MTO1: variants seen among roughly 807,000 people sequenced by gnomAD.
MTO1 encodes the protein mitochondrial tRNA translation optimization 1, also known as 5-taurinomethyluridine-[tRNA] synthase subunit MTO1, mitochondrial.
MTO1 carries 46 observed loss-of-function variants against 71.6 expected under a neutral mutation model. The observed-to-expected ratio is 0.64, with a 90% CI of 0.51 to 0.82. The LOEUF is 0.82. Ranked by LOEUF, MTO1 falls within the 40% of genes least tolerant of loss-of-function variation. The pLI, the probability that MTO1 is intolerant of heterozygous loss-of-function variation, is 0.00. For missense variants in MTO1, 773 were observed against 867.5 expected, an observed-to-expected ratio of 0.89 and a Z score of 1.37; for synonymous variants, 297 against 312.1, an observed-to-expected ratio of 0.95 and a Z score of 0.51.
Position 73,501,873 on chromosome 6 carries a change from G to A in MTO1, c.*1138G>A, listed in dbSNP as rs1289589544. 6.6e-6 allele frequency: 1 copy of A among 152,180 alleles called. No individual in the cohort carries two copies. The highest frequency in any genetic ancestry group is 1.5e-5 in the Non-Finnish European group (1 of 68,044). The allele number at this position is 152,180 out of a possible 1,614,324, so 9.4% of individuals were successfully genotyped here. On this transcript the variant is annotated 3_prime_UTR_variant, in exon 12 of 12. Coordinates refer to ENST00000498286, the MANE Select transcript of MTO1 (RefSeq NM_012123.4). ...GTATGTTAAGCCTGATTATGGGTGT[G>A]AGGCAACCAAGTATCTTGTTACTAT...
chr6:73,475,540 A>C (rs1771288267), intron 4 of MTO1, among the ~76,000 whole-genome samples: 2 of 139,250 alleles, frequency 1.4e-5, no homozygotes, highest in South Asian at 2.3e-4. Context: ...TTGAGATGGC[A>C]TTTCACTCTT....
chr6:73,498,694 C>T (rs1179474177), intron 11 of MTO1, among the ~76,000 whole-genome samples: 2 of 151,860 alleles, frequency 1.3e-5, no homozygotes, highest in African/African-American at 4.8e-5. Context: ...TTCTGAAATA[C>T]ACTTTTCTCC....
chr6:73,477,614 C>G (rs1347097824), intron 4 of MTO1, among the ~76,000 whole-genome samples: 1 of 151,018 alleles, frequency 6.6e-6, no homozygotes, highest in Non-Finnish European at 1.5e-5. Context: ...TTGGATGATC[C>G]TTTTACCTCA....
At chr6:73,499,205 G>C (rs1652779917) in intron 11 of MTO1, among the ~76,000 whole-genome samples, 1 of 151,930 alleles carries the variant, frequency 6.6e-6, no homozygotes, top group Admixed American at 6.6e-5. Flanking sequence ...GGTATTCTTA[G>C]CAACAGTCAT....
intron 9 of MTO1, among the ~76,000 whole-genome samples, chr6:73,483,654 C>T (rs117017184): frequency 0.015 from 2,309 of 152,028 alleles, 35 homozygotes; most frequent in Non-Finnish European, 0.023. Context: ...TTTCACTCTC[C>T]TTGCTCAGGC....
intron 7 of MTO1, among the ~76,000 whole-genome samples, chr6:73,481,683 GC>G (rs1382256800): frequency 2.0e-5 from 3 of 152,214 alleles, no homozygotes; most frequent in East Asian, 3.9e-4. Context: ...TGGGAGGATT[GC>G]TTAAACTCAG....
In MTO1 at chr6:73,508,633, T is replaced by C. The variant is rs913870502; in HGVS notation, c.*7898T>C. 6.6e-6 allele frequency: 1 copy of C among 152,212 alleles called. No individual in the cohort carries two copies. Among genetic ancestry groups the C allele is most frequent in the Middle Eastern group, 3.2e-3 (1 of 316 alleles). 9.4% of individuals were successfully genotyped at this position (152,212 alleles called of 1,614,324 possible). The stretch of plus-strand genomic sequence containing the variant: ...GTATTATAGCTCTGAAGAAAAATAC[T>C]GATGAGCAGTTATACAAAATGAGAA... On this transcript the variant is annotated 3_prime_UTR_variant, in exon 12 of 12. Transcript: ENST00000498286.
chr6:73,477,795 C>T (rs1341842146), intron 4 of MTO1, among the ~76,000 whole-genome samples: 6 of 151,992 alleles, frequency 3.9e-5, no homozygotes, highest in African/African-American at 1.2e-4. Context: ...GTATGAGCCA[C>T]CAAGCCTAGC....
chr6:73,461,801 T>A lies in MTO1; in HGVS notation c.-54T>A. ...GCAGATTGTCTCTTGTTGCGTAAGTTTTTTTGACCGTCACTCGTGTCAGCT... is the reference window on the plus strand; with the variant it reads ...GCAGATTGTCTCTTGTTGCGTAAGTATTTTTGACCGTCACTCGTGTCAGCT... On this transcript the variant is annotated 5_prime_UTR_variant, in exon 1 of 12. Coordinates refer to ENST00000498286, the MANE Select transcript of MTO1 (RefSeq NM_012123.4). The A allele has an allele frequency of 6.4e-7, 1 of 1,574,676 alleles. No individual in the cohort carries two copies. The highest frequency in any genetic ancestry group is 8.7e-7 in the Non-Finnish European group (1 of 1,149,746).
chr6:73,500,989 G>A lies in MTO1; in HGVS notation c.*254G>A, dbSNP rs2150046478. ...CTTTGTGCAGTGTTCATCAAAGAGAGAGACAGTGAACCTAAAACTGAACCT... is the reference window on the plus strand; with the variant it reads ...CTTTGTGCAGTGTTCATCAAAGAGAAAGACAGTGAACCTAAAACTGAACCT... On this transcript the variant is annotated 3_prime_UTR_variant, in exon 12 of 12. Coordinates refer to ENST00000498286, the MANE Select transcript of MTO1 (RefSeq NM_012123.4). 1 of 277,178 alleles carries A rather than the reference G, an allele frequency of 3.6e-6. No individual in the cohort carries two copies. The highest frequency in any genetic ancestry group is 1.6e-4 in the South Asian group (1 of 6,342). The allele number at this position is 277,178 out of a possible 1,614,324, so 17.2% of individuals were successfully genotyped here.
chr6:73,501,439 A>T lies in MTO1; in HGVS notation c.*704A>T, dbSNP rs772453380. 8 of 152,206 alleles carry T rather than the reference A, an allele frequency of 5.3e-5. No individual in the cohort carries two copies. The highest frequency in any genetic ancestry group is 1.0e-4 in the Non-Finnish European group (7 of 68,040). 9.4% of individuals were successfully genotyped at this position (152,206 alleles called of 1,614,324 possible). A position where few individuals can be genotyped will look rare whatever the true frequency, so the allele number is the denominator to read the frequency against. On this transcript the variant is annotated 3_prime_UTR_variant, in exon 12 of 12. Transcript: ENST00000498286. ...AACGTTAGTTATTTTATATCATACC[A>T]TAAAAATATTTTCTTAAGAAATTGT...
chr6:73,468,648 C>T (rs1005933309), intron 3 of MTO1, among the ~76,000 whole-genome samples: 1 of 151,882 alleles, frequency 6.6e-6, no homozygotes, highest in Non-Finnish European at 1.5e-5. Flanking sequence ...CACTCTGTCA[C>T]CCAGGCTAGA....
chr6:73,481,639 G>A (rs2150036801), intron 7 of MTO1, among the ~76,000 whole-genome samples: 1 of 152,108 alleles, frequency 6.6e-6, no homozygotes, highest in East Asian at 1.9e-4. Flanking sequence ...GTGACGGCAT[G>A]TGCCTATAGT....
Position 73,501,319 on chromosome 6 carries a change from CT to C in MTO1, c.*585del, listed in dbSNP as rs1324570729. On this transcript the variant is annotated 3_prime_UTR_variant, in exon 12 of 12. Coordinates refer to ENST00000498286, the MANE Select transcript of MTO1 (RefSeq NM_012123.4). Reference sequence around the variant, plus strand: ...ATTGTTTTGAACATTAATGAAAGCCCTATAAAATAGAAAGATTGGAAATCAC... The same window carrying C: ...ATTGTTTTGAACATTAATGAAAGCCCATAAAATAGAAAGATTGGAAATCAC... 1 of 152,148 alleles carries C rather than the reference CT, an allele frequency of 6.6e-6. No individual in the cohort carries two copies. The highest frequency in any genetic ancestry group is 1.5e-5 in the Non-Finnish European group (1 of 68,034). The allele number at this position is 152,148 out of a possible 1,614,324, so 9.4% of individuals were successfully genotyped here.
In MTO1 at chr6:73,482,468, T is replaced by C; in HGVS notation, c.1485T>C (p.Cys495=). The change falls in exon 9 of 12, where the codon TGT becomes TGC. Residue 495 remains cysteine (C), a synonymous_variant. Transcript: ENST00000498286. ...LTLRGYKDAG[C]VSQQRYERAC... is the part of the protein sequence containing the mutation. ...CCCTAGGGTATAAAGACGCTGGCTG[T>C]GTGTCCCAACAACGATATGAAAGAG... is the stretch of plus-strand genomic sequence containing the variant. 7 of 1,612,992 alleles carry C rather than the reference T, an allele frequency of 4.3e-6. No homozygotes were observed. Among genetic ancestry groups the C allele is most frequent in the Non-Finnish European group, 5.1e-6 (6 of 1,179,776 alleles).
chr6:73,487,314 C>T (rs897997113), intron 9 of MTO1, among the ~76,000 whole-genome samples: 2 of 151,626 alleles, frequency 1.3e-5, no homozygotes, highest in African/African-American at 4.8e-5. Context: ...GCCTCAGCCT[C>T]CCAAGTAGCT....
At chr6:73,467,614 A>AAAT (rs1771036511) in intron 3 of MTO1, among the ~76,000 whole-genome samples, 2 of 143,494 alleles carry the variant, frequency 1.4e-5, no homozygotes, top group African/African-American at 2.6e-5. Flanking sequence ...ACTCTGTCTC[A>AAAT]AAATAAATAA....
intron 11 of MTO1, 33 bp downstream of exon 11, chr6:73,497,929 TATAG>T (rs1772041429): frequency 1.3e-6 from 2 of 1,574,280 alleles, no homozygotes; most frequent in African/African-American, 2.7e-5. Context: ...AGAAACAAGT[TATAG>T]ATAAAGATAC....
chr6:73,465,747 G>A (rs1271239666), intron 1 of MTO1, among the ~76,000 whole-genome samples: 1 of 152,122 alleles, frequency 6.6e-6, no homozygotes, highest in African/African-American at 2.4e-5. Flanking sequence ...AGCACTCTGG[G>A]AGGCCGAGGT....
Sources: gnomAD v4.1 joint callset for allele counts (sites outside exome capture counted in the v4.1 genomes callset) on GRCh38, gnomAD v4.1.1 for gene constraint, MANE v1.5 for transcripts, NCBI Gene and HGNC (gene_info 2026-07-23, HGNC 2026-07-21) for gene names.